Variants in AGAP1 observed in about 807,000 individuals in gnomAD.
AGAP1 encodes ArfGAP with GTPase domain, ankyrin repeat and PH domain 1.
A neutral mutation model predicts 105.3 loss-of-function variants in AGAP1; 29 were observed. That is an observed-to-expected ratio of 0.28 (90% CI 0.21 to 0.38). The LOEUF (loss-of-function observed/expected upper bound fraction) is 0.38, where lower values mean the gene tolerates loss of function less well. AGAP1 is among the 10% of genes least tolerant of loss of function. The pLI is 1.00. For synonymous variants in AGAP1, 509 were observed against 485.9 expected, an observed-to-expected ratio of 1.05 and a Z score of -0.63; for missense variants, 998 against 1,165.1, an observed-to-expected ratio of 0.86 and a Z score of 2.09.
Position 236,123,599 on chromosome 2 carries a change from T to G in AGAP1, c.2371-320T>G, listed in dbSNP as rs537744906. Reference sequence around the variant, plus strand: ...ATTTCCTATAATGAAAATTCTGAGATCAAAACAATGATTTTCTTTGTGCAA... The same window carrying G: ...ATTTCCTATAATGAAAATTCTGAGAGCAAAACAATGATTTTCTTTGTGCAA... On this transcript the variant is annotated intron_variant, in intron 17 of 17. Coordinates refer to ENST00000304032, the MANE Select transcript of AGAP1 (RefSeq NM_001037131.3). This position sits in a 1 kb window ranked among gnomAD's most constrained non-coding sequence, Gnocchi z 4.6. 1.3e-5 allele frequency among the ~76,000 whole-genome samples: 2 copies of G among 152,254 alleles called. No individual in the cohort carries two copies. Among genetic ancestry groups the G allele is most frequent in the Admixed American group, 1.3e-4 (2 of 15,298 alleles).
chr2:235,881,115 C>T (rs182736822), intron 9 of AGAP1, among the ~76,000 whole-genome samples: 1 of 152,282 alleles, frequency 6.6e-6, no homozygotes, highest in Admixed American at 6.5e-5. Context: ...CCTTAAGCAA[C>T]AATGTCTAAT....
At chr2:235,985,713 T>G (rs1305056413) in intron 13 of AGAP1, among the ~76,000 whole-genome samples, 2 of 152,228 alleles carry the variant, frequency 1.3e-5, no homozygotes, top group African/African-American at 4.8e-5. Flanking sequence ...CCAGCACCAT[T>G]TACTGAATAG....
chr2:236,113,374 C>T lies in AGAP1; in HGVS notation c.2115-6818C>T, dbSNP rs140485362. ...CAGGCTGGTGTCGAACTCCTGACCT[C>T]GTGATCCACCCACTTCGGCCTCCCA... On this transcript the variant is annotated intron_variant, in intron 16 of 17. Coordinates refer to ENST00000304032, the MANE Select transcript of AGAP1 (RefSeq NM_001037131.3). This position sits in a 1 kb window ranked among gnomAD's most constrained non-coding sequence, Gnocchi z 4.3. Among the ~76,000 whole-genome samples, 549 of 152,072 alleles carry T rather than the reference C, an allele frequency of 3.6e-3. 3 individuals are homozygous for T. Among genetic ancestry groups the T allele is most frequent in the African/African-American group, 0.013 (532 of 41,486 alleles).
chr2:235,676,884 C>G (rs969513577), intron 1 of AGAP1, among the ~76,000 whole-genome samples: 10 of 152,142 alleles, frequency 6.6e-5, no homozygotes, highest in African/African-American at 2.4e-4. Flanking sequence ...GCACTCATGT[C>G]GCCAGGTGAT....
intron 15 of AGAP1, among the ~76,000 whole-genome samples, chr2:236,041,245 T>C (rs2057540917): frequency 6.8e-6 from 1 of 146,820 alleles, no homozygotes. Flanking sequence ...TACTTTTTGC[T>C]TAATCAGTGA....
Position 235,818,135 on chromosome 2 carries a change from G to A in AGAP1, c.1050+10804G>A, listed in dbSNP as rs375849521. On this transcript the variant is annotated intron_variant, in intron 9 of 17. Transcript: ENST00000304032. ...CATCAGAATCAACCACATTATTATC[G>A]TGTGAGACTTGTAATAAGAATGCTG... 3.1e-4 allele frequency among the ~76,000 whole-genome samples: 47 copies of A among 152,236 alleles called. No individual in the cohort carries two copies. In the East Asian group the frequency reaches 7.3e-3, roughly 24 times the overall value.
At chr2:235,995,269 C>T (rs2055760795) in intron 13 of AGAP1, among the ~76,000 whole-genome samples, 1 of 152,008 alleles carries the variant, frequency 6.6e-6, no homozygotes. Context: ...AATCCCAACA[C>T]TTTGGGGAGC....
At chr2:235,538,460 T>TGTGTGTGTGTGTGTGTGTGCGC (rs1553561884) in intron 1 of AGAP1, among the ~76,000 whole-genome samples, 5 of 150,446 alleles carry the variant, frequency 3.3e-5, no homozygotes, top group African/African-American at 1.2e-4. Context: ...TGTGTGTGTG[T>TGTGTGTGTGTGTGTGTGTGCGC]GCATGCTTGT....
chr2:236,118,099 A>C (rs987554183), intron 16 of AGAP1, among the ~76,000 whole-genome samples: 8 of 152,108 alleles, frequency 5.3e-5, no homozygotes, highest in African/African-American at 1.9e-4. Context: ...ATTAGGGCTA[A>C]CCCGACACTA....
At chr2:235,923,116 TTC>T (rs1400502501) in intron 11 of AGAP1, among the ~76,000 whole-genome samples, 1 of 152,198 alleles carries the variant, frequency 6.6e-6, no homozygotes, top group African/African-American at 2.4e-5. Context: ...GAAACACTCT[TTC>T]TGAGTTCAGA....
At chr2:235,570,474 A>T (rs1944478854) in intron 1 of AGAP1, among the ~76,000 whole-genome samples, 1 of 152,242 alleles carries the variant, frequency 6.6e-6, no homozygotes, top group African/African-American at 2.4e-5. Context: ...TCACACAAAT[A>T]TGCTTGGGTC....
intron 1 of AGAP1, among the ~76,000 whole-genome samples, chr2:235,702,110 C>A (rs190367153): frequency 6.6e-6 from 1 of 151,896 alleles, no homozygotes; most frequent in Non-Finnish European, 1.5e-5. Flanking sequence ...GTCTGGAATG[C>A]GTATTTGTGG....
At chr2:235,816,282 CAAA>C (rs1292910217) in intron 9 of AGAP1, among the ~76,000 whole-genome samples, 1 of 151,610 alleles carries the variant, frequency 6.6e-6, no homozygotes, top group East Asian at 2.0e-4. Context: ...ACTAAAAATA[CAAA>C]AAATTAGCCA....
chr2:235,781,982 A>G (rs1388605678), intron 6 of AGAP1, among the ~76,000 whole-genome samples: 3 of 152,124 alleles, frequency 2.0e-5, no homozygotes, highest in Admixed American at 2.0e-4. Context: ...CAGTGACACA[A>G]TGTGGTTCCT....
intron 1 of AGAP1, among the ~76,000 whole-genome samples, chr2:235,543,840 G>A (rs897429102): frequency 6.6e-6 from 1 of 152,160 alleles, no homozygotes; most frequent in Non-Finnish European, 1.5e-5. Context: ...GCTGTACTTT[G>A]GGGTATCCAG....
In AGAP1 at chr2:236,124,902, T is replaced by C. The variant is rs2059979443; in HGVS notation, c.*780T>C. ...CTAAATTCACTGTCATCATTTAGTA[T>C]CTGTTTAATTTTTCAGTCCAAAGAG... On this transcript the variant is annotated 3_prime_UTR_variant, in exon 18 of 18. Transcript: ENST00000304032. This position sits in a 1 kb window ranked among gnomAD's most constrained non-coding sequence, Gnocchi z 5.1. 1 of 157,176 alleles carries C rather than the reference T, an allele frequency of 6.4e-6. No individual in the cohort carries two copies. The highest frequency in any genetic ancestry group is 1.5e-5 in the Non-Finnish European group (1 of 68,084). The allele number at this position is 157,176 out of a possible 1,614,324, so 9.7% of individuals were successfully genotyped here. A position where few individuals can be genotyped will look rare whatever the true frequency, so the allele number is the denominator to read the frequency against.
chr2:235,550,153 A>G lies in AGAP1; in HGVS notation c.163+55304A>G, dbSNP rs1943758240. 6.6e-6 allele frequency among the ~76,000 whole-genome samples: 1 copy of G among 152,206 alleles called. No individual in the cohort carries two copies. Among genetic ancestry groups the G allele is most frequent in the South Asian group, 2.1e-4 (1 of 4,838 alleles). On this transcript the variant is annotated intron_variant, in intron 1 of 17. Coordinates refer to ENST00000304032, the MANE Select transcript of AGAP1 (RefSeq NM_001037131.3). This position sits in a 1 kb window ranked among gnomAD's most constrained non-coding sequence, Gnocchi z 4.6. ...GGGGCAGAACCATCATCCTGCGTGC[A>G]GCCTGCACACTCCCAGCACCCGTGG...
In AGAP1 at chr2:235,788,486, AGAGGAGTGGGAGGGTAGGTGAGGCGGGGT is replaced by A. The variant is rs1350261673; in HGVS notation, c.674-9266_674-9238del. 6.6e-6 allele frequency among the ~76,000 whole-genome samples: 1 copy of A among 151,128 alleles called. No individual in the cohort carries two copies. The highest frequency in any genetic ancestry group is 1.5e-5 in the Non-Finnish European group (1 of 67,852). ...TGAGGGAAGGTGAGGCAGGGTGGGGAGAGGAGTGGGAGGGTAGGTGAGGCGGGGTGAGGAGAGGATTGGGAGGCAAGGTG... is the reference window on the plus strand; with the variant it reads ...TGAGGGAAGGTGAGGCAGGGTGGGGAGAGGAGAGGATTGGGAGGCAAGGTG... On this transcript the variant is annotated intron_variant, in intron 6 of 17. Coordinates refer to ENST00000304032, the MANE Select transcript of AGAP1 (RefSeq NM_001037131.3). This position sits in a 1 kb window ranked among gnomAD's most constrained non-coding sequence, Gnocchi z 6.0.
At position 236,046,032 on chromosome 2, in the gene AGAP1, G is replaced by A. The variant is rs2057707814; in HGVS notation, c.1892-3027G>A. 2.1e-6 allele frequency: 1 copy of A among 471,460 alleles called. No homozygotes were observed. The highest frequency in any genetic ancestry group is 2.0e-5 in the African/African-American group (1 of 50,188). The allele number at this position is 471,460 out of a possible 1,614,324, so 29.2% of individuals were successfully genotyped here. ...ACAGCCTGGGAGCTGCTGGGGGGAG[G>A]TAGGAGGGGGTGCACCACGGTCTGA... On this transcript the variant is annotated intron_variant, in intron 15 of 17. Transcript: ENST00000304032. The surrounding 1 kb of genome is among the most constrained non-coding windows in gnomAD (Gnocchi z 5.2).
Sources: allele counts gnomAD v4.1 joint callset (sites outside exome capture counted in the v4.1 genomes callset), GRCh38; gene constraint gnomAD v4.1.1; non-coding constraint Gnocchi (gnomAD v3.1); transcripts MANE v1.5; gene names NCBI Gene and HGNC (gene_info 2026-07-23, HGNC 2026-07-21).